Variants in TRIO observed in about 807,000 individuals in gnomAD.
TRIO encodes trio Rho guanine nucleotide exchange factor.
Under a neutral mutation model 351.9 loss-of-function variants are expected in TRIO, and 58 were observed. The observed-to-expected ratio is 0.16, with a 90% CI of 0.13 to 0.21. The LOEUF (loss-of-function observed/expected upper bound fraction) is 0.21, where lower values mean the gene tolerates loss of function less well. Ranked by LOEUF, TRIO falls within the 10% of genes least tolerant of loss-of-function variation. TRIO has a pLI of 1.00. For missense variants in TRIO, 3,201 were observed against 4,027.8 expected (o/e 0.79, Z 5.56); for synonymous variants, 1,758 against 1,595.7 (o/e 1.10, Z -2.42).
At chr5:14,309,888 A>G (rs1428018956) in intron 8 of TRIO, among the ~76,000 whole-genome samples, 2 of 150,778 alleles carry the variant, frequency 1.3e-5, no homozygotes, top group South Asian at 4.2e-4. Context: ...TTTCTCTACA[A>G]TTTTTTTTCT....
chr5:14,285,837 C>G (rs1057049182), intron 3 of TRIO, among the ~76,000 whole-genome samples: 1 of 152,158 alleles, frequency 6.6e-6, no homozygotes, highest in Non-Finnish European at 1.5e-5. Context: ...TGGTTACTGT[C>G]TGGTGCAGGC....
intron 9 of TRIO, among the ~76,000 whole-genome samples, chr5:14,320,489 C>A (rs1163154649): frequency 2.0e-5 from 3 of 152,158 alleles, no homozygotes; most frequent in Non-Finnish European, 4.4e-5. Context: ...ATGCCTTCTG[C>A]AAAGCCCCCG....
In TRIO at chr5:14,488,196, C is replaced by T. The variant is rs1452730056; in HGVS notation, c.7568C>T (p.Thr2523Ile). 1 of 1,598,010 alleles carries T rather than the reference C, an allele frequency of 6.3e-7. No individual in the cohort carries two copies. Among genetic ancestry groups the T allele is most frequent in the Non-Finnish European group, 8.5e-7 (1 of 1,178,196 alleles). ...CGCCACGCGGCCCCTGGCAAGGATA[C>T]TGACCGCATGAGCACGTGCTCCTCG... ...TPRHAAPGKD[T>I]DRMSTCSSAS... Residue 2523 changes from threonine (T) to isoleucine (I), a missense_variant, in exon 48 of 57, where the codon ACT becomes ATT. Around this residue, in one of 19 missense-constraint regions of TRIO, gnomAD observed 1,089 missense variants for 954.9 expected, o/e 1.14. Transcript: ENST00000344204.
rs143658647 is a variant in TRIO, at chr5:14,156,513, A to T, written c.157+12631A>T. Among the ~76,000 whole-genome samples, 1,474 of 152,286 alleles carry T rather than the reference A, an allele frequency of 9.7e-3. 30 individuals carry two copies. The highest frequency in any genetic ancestry group is 0.034 in the African/African-American group (1,421 of 41,554). ...TCTGCACCTCTTGGTGATAAAAACC[A>T]TATGTTTAGACTCAGTGTGTCCAAT... On this transcript the variant is annotated intron_variant, in intron 1 of 56. Transcript: ENST00000344204.
In TRIO at chr5:14,368,761, G is replaced by A. The variant is rs148506244; in HGVS notation, c.2928G>A (p.Gln976=). The A allele has an allele frequency of 3.5e-4, 570 of 1,614,132 alleles. 5 individuals are homozygous for A. In the African/African-American group the frequency reaches 6.5e-3, roughly 19 times the overall value. Residue 976 remains glutamine, a synonymous_variant, in exon 17 of 57, where the codon CAG becomes CAA. Coordinates refer to ENST00000344204, the MANE Select transcript of TRIO (RefSeq NM_007118.4). ...AGCAGAAGGCAGAAGCCATGCTACA[G>A]GCCAACCACTACGACATGGACATGA... ...QVQQKAEAML[Q]ANHYDMDMIR...
intron 10 of TRIO, 142 bp downstream of exon 10, chr5:14,331,042 AGT>A (rs1491200320): frequency 3.2e-6 from 4 of 1,247,518 alleles, no homozygotes; most frequent in Non-Finnish European, 4.4e-6. Context: ...CCGATTTCAG[AGT>A]GAAGTTGTCA....
chr5:14,312,484 C>G (rs1739015567), intron 8 of TRIO, among the ~76,000 whole-genome samples: 1 of 152,164 alleles, frequency 6.6e-6, no homozygotes, highest in East Asian at 1.9e-4. Context: ...GATTGCCCTT[C>G]AAGTTCCCCA....
At chr5:14,280,210 G>C in intron 2 of TRIO, 112 bp from the exon 3 acceptor site, 1 of 959,190 alleles carries the variant, frequency 1.0e-6, no homozygotes. Context: ...CTTCTGCCCT[G>C]TGCAAATTTG....
At chr5:14,446,587 G>C (rs887191713) in intron 34 of TRIO, among the ~76,000 whole-genome samples, 3 of 152,198 alleles carry the variant, frequency 2.0e-5, no homozygotes, top group African/African-American at 7.2e-5. Flanking sequence ...CTTGGGAGTA[G>C]ATGGTACCTG....
In TRIO at chr5:14,497,754, A is replaced by T; in HGVS notation, c.8020-93A>T. On this transcript the variant is annotated intron_variant, in intron 50 of 56. Coordinates refer to ENST00000344204, the MANE Select transcript of TRIO (RefSeq NM_007118.4). This position sits in a 1 kb window ranked among gnomAD's most constrained non-coding sequence, Gnocchi z 4.4. ...ATGCCCAGGCAAGTCAGTTTCTGCA[A>T]ATCTTTCAACAATAATTGTAGCCCT... 1.3e-6 allele frequency: 2 copies of T among 1,551,366 alleles called. No individual in the cohort carries two copies. Among genetic ancestry groups the T allele is most frequent in the Non-Finnish European group, 1.8e-6 (2 of 1,124,510 alleles).
intron 34 of TRIO, among the ~76,000 whole-genome samples, chr5:14,434,102 T>C (rs549671929): frequency 1.3e-5 from 2 of 152,334 alleles, no homozygotes; most frequent in South Asian, 4.1e-4. Flanking sequence ...GTCCAAATTT[T>C]AAATATTTGA....
intron 31 of TRIO, among the ~76,000 whole-genome samples, chr5:14,402,440 C>T (rs774072921): frequency 9.9e-5 from 15 of 152,106 alleles, no homozygotes; most frequent in Admixed American, 1.3e-4. Flanking sequence ...GTAAAGGAAA[C>T]GATGTTCTCA....
chr5:14,233,301 C>T (rs909145665), intron 1 of TRIO, among the ~76,000 whole-genome samples: 10 of 128,078 alleles, frequency 7.8e-5, no homozygotes, highest in East Asian at 4.6e-4. Flanking sequence ...GGCAACATGG[C>T]GAGACCTCGT....
chr5:14,483,622 G>C (rs756147332), intron 46 of TRIO, among the ~76,000 whole-genome samples: 3 of 152,126 alleles, frequency 2.0e-5, no homozygotes, highest in Non-Finnish European at 4.4e-5. Flanking sequence ...ACCTGGGGTG[G>C]GTCTGTCCGT....
intron 38 of TRIO, among the ~76,000 whole-genome samples, 200 bp downstream of exon 38, chr5:14,471,666 T>C (rs927982600): frequency 6.6e-6 from 1 of 152,184 alleles, no homozygotes; most frequent in Non-Finnish European, 1.5e-5. Context: ...CTTGTTTTAT[T>C]TGTATATGAT....
intron 37 of TRIO, among the ~76,000 whole-genome samples, chr5:14,469,025 G>A (rs916420492): frequency 6.6e-5 from 10 of 152,040 alleles, no homozygotes; most frequent in African/African-American, 2.2e-4. Context: ...GTTCCCTGCC[G>A]CCACAGTGAT....
At chr5:14,437,291 T>C (rs1237790549) in intron 34 of TRIO, among the ~76,000 whole-genome samples, 1 of 152,156 alleles carries the variant, frequency 6.6e-6, no homozygotes, top group Non-Finnish European at 1.5e-5. Flanking sequence ...AACTTACAGA[T>C]TTTTTTTCCT....
At chr5:14,179,140 C>T (rs1726938056) in intron 1 of TRIO, among the ~76,000 whole-genome samples, 1 of 152,116 alleles carries the variant, frequency 6.6e-6, no homozygotes, top group Non-Finnish European at 1.5e-5. Context: ...CCTGCTGCTC[C>T]CGGCCAGCAC....
chr5:14,391,011 G>C, intron 27 of TRIO, 21 bp downstream of exon 27: 1 of 1,567,904 alleles, frequency 6.4e-7, no homozygotes, highest in Non-Finnish European at 8.6e-7. Context: ...GATTCCTAAA[G>C]AGACCATAAT....
Sources: gnomAD v4.1 joint callset for allele counts (sites outside exome capture counted in the v4.1 genomes callset) on GRCh38, gnomAD v4.1.1 for gene constraint, gnomAD v4.1.1 regional missense constraint, Gnocchi (gnomAD v3.1) non-coding constraint, MANE v1.5 for transcripts, NCBI Gene and HGNC (gene_info 2026-07-23, HGNC 2026-07-21) for gene names.